Variants in C1orf21 observed in about 807,000 individuals in gnomAD.
C1orf21 encodes the protein uncharacterized protein C1orf21.
A neutral mutation model predicts 18.7 loss-of-function variants in C1orf21; 3 were observed. That is an observed-to-expected ratio of 0.16 (90% CI 0.07 to 0.42). C1orf21 has a LOEUF of 0.42. C1orf21 is among the 10% of genes least tolerant of loss of function. The pLI, the probability that C1orf21 is intolerant of heterozygous loss-of-function variation, is 0.99. For missense variants in C1orf21, 104 were observed against 143.6 expected, an observed-to-expected ratio of 0.72 and a Z score of 1.41; for synonymous variants, 41 against 46.4, an observed-to-expected ratio of 0.88 and a Z score of 0.47.
Position 184,590,879 on chromosome 1 carries a change from T to C in C1orf21, c.266+64T>C, listed in dbSNP as rs534009440. On this transcript the variant is annotated intron_variant, in intron 4 of 5. Transcript: ENST00000235307. ...TCCATATCCATGGATTCTGCATCTG[T>C]GGATTCAACTACCCATGGATCAAAA... The C allele has an allele frequency of 8.1e-6, 11 of 1,361,408 alleles. No homozygotes were observed. The South Asian group carries it at 1.3e-4, about 16-fold the overall frequency. 84.3% of individuals were successfully genotyped at this position (1,361,408 alleles called of 1,614,324 possible).
intron 3 of C1orf21, among the ~76,000 whole-genome samples, chr1:184,551,639 C>T (rs1037855108): frequency 2.6e-5 from 4 of 152,166 alleles, no homozygotes; most frequent in African/African-American, 4.8e-5. Flanking sequence ...TGCCCCTCCC[C>T]GTGCCAATCT....
At chr1:184,587,524 T>TTGTG (rs3034486) in intron 3 of C1orf21, among the ~76,000 whole-genome samples, 1,752 of 139,676 alleles carry the variant, frequency 0.013, 17 homozygotes, top group East Asian at 0.029. Context: ...TTCCTAGGAA[T>TTGTG]TGTGTGTGTG....
At chr1:184,529,012 A>G (rs1417959125) in intron 3 of C1orf21, among the ~76,000 whole-genome samples, 1 of 152,130 alleles carries the variant, frequency 6.6e-6, no homozygotes, top group Non-Finnish European at 1.5e-5. Context: ...CCAGCAGTAT[A>G]TGGAGATTGC....
intron 3 of C1orf21, among the ~76,000 whole-genome samples, chr1:184,578,568 G>C (rs1317073545): frequency 6.6e-6 from 1 of 152,084 alleles, no homozygotes; most frequent in Non-Finnish European, 1.5e-5. Context: ...CTTTTAGTTT[G>C]TTTTGAAGTT....
At chr1:184,460,713 C>CATTTT (rs1657295496) in intron 1 of C1orf21, among the ~76,000 whole-genome samples, 3 of 90,726 alleles carry the variant, frequency 3.3e-5, no homozygotes, top group Non-Finnish European at 2.3e-5. Flanking sequence ...TCTCTTCTTC[C>CATTTT]TTTTTTTTTT....
At chr1:184,511,839 G>A (rs1452463075) in intron 3 of C1orf21, among the ~76,000 whole-genome samples, 4 of 152,066 alleles carry the variant, frequency 2.6e-5, no homozygotes, top group Non-Finnish European at 5.9e-5. Context: ...GGGGAGAAGA[G>A]CCCCTTATAA....
At chr1:184,598,990 G>T (rs1261267827) in intron 5 of C1orf21, among the ~76,000 whole-genome samples, 5 of 152,180 alleles carry the variant, frequency 3.3e-5, no homozygotes, top group African/African-American at 1.2e-4. Flanking sequence ...GCTAATAGTG[G>T]ACAAGTTGGA....
chr1:184,441,120 T>C (rs1656937170), intron 1 of C1orf21, among the ~76,000 whole-genome samples: 2 of 152,220 alleles, frequency 1.3e-5, no homozygotes, highest in South Asian at 4.1e-4. Flanking sequence ...TTTTGGTTAG[T>C]GGAAATTTCC....
intron 1 of C1orf21, among the ~76,000 whole-genome samples, chr1:184,392,632 T>C (rs992073484): frequency 1.3e-5 from 2 of 152,126 alleles, no homozygotes; most frequent in Non-Finnish European, 2.9e-5. Flanking sequence ...AGTTGAGACC[T>C]GTTAGTGCAC....
At chr1:184,601,230 A>G (rs1659580344) in intron 5 of C1orf21, among the ~76,000 whole-genome samples, 1 of 152,154 alleles carries the variant, frequency 6.6e-6, no homozygotes. Flanking sequence ...TTTCTCCCTT[A>G]AATTAATAAG....
intron 1 of C1orf21, among the ~76,000 whole-genome samples, chr1:184,435,221 C>T (rs1192415088): frequency 8.5e-5 from 13 of 152,178 alleles, no homozygotes; most frequent in Non-Finnish European, 1.9e-4. Context: ...CAATCCATAG[C>T]TCTGGTTTGG....
At position 184,607,764 on chromosome 1, in the gene C1orf21, TAG is replaced by T. The variant is rs901509609; in HGVS notation, c.327+9309_327+9310del. On this transcript the variant is annotated intron_variant, in intron 5 of 5. Transcript: ENST00000235307. ...ATGTGTGTGTATATATATACATATA[TAG>T]AGAGAAAGAGTCACAATTATAGATT... Among the ~76,000 whole-genome samples the T allele has an allele frequency of 1.1e-4, 17 of 151,498 alleles. 1 individual carries two copies. The highest frequency in any genetic ancestry group is 4.8e-5 in the African/African-American group (2 of 41,280).
chr1:184,554,162 T>C (rs1231054699), intron 3 of C1orf21, among the ~76,000 whole-genome samples: 1 of 152,240 alleles, frequency 6.6e-6, no homozygotes, highest in Non-Finnish European at 1.5e-5. Context: ...ATAATTTTGA[T>C]AACCTGTAAT....
chr1:184,482,459 G>A (rs1002672797), intron 2 of C1orf21, among the ~76,000 whole-genome samples: 1 of 152,254 alleles, frequency 6.6e-6, no homozygotes, highest in East Asian at 1.9e-4. Context: ...GTAGAAAGAG[G>A]AGGAATTGTT....
chr1:184,593,941 A>G (rs968686041), intron 4 of C1orf21, among the ~76,000 whole-genome samples: 1 of 152,248 alleles, frequency 6.6e-6, no homozygotes, highest in African/African-American at 2.4e-5. Context: ...TCTGTCTTTT[A>G]AAGGCACACA....
At chr1:184,595,972 G>T (rs141968723) in intron 4 of C1orf21, among the ~76,000 whole-genome samples, 3 of 152,260 alleles carry the variant, frequency 2.0e-5, no homozygotes, top group African/African-American at 7.2e-5. Flanking sequence ...AACTGAAATC[G>T]CTGAGAGTTT....
chr1:184,430,426 C>T (rs1656722440), intron 1 of C1orf21, among the ~76,000 whole-genome samples: 1 of 152,120 alleles, frequency 6.6e-6, no homozygotes, highest in Non-Finnish European at 1.5e-5. Context: ...TCTTTTCTGC[C>T]AACTATTAAT....
intron 1 of C1orf21, among the ~76,000 whole-genome samples, chr1:184,470,809 G>T (rs1657484009): frequency 6.6e-6 from 1 of 152,142 alleles, no homozygotes; most frequent in South Asian, 2.1e-4. Context: ...AACCCAGGAG[G>T]TGGCGGTTGC....
At chr1:184,565,736 A>AT (rs1659025899) in intron 3 of C1orf21, among the ~76,000 whole-genome samples, 1 of 152,214 alleles carries the variant, frequency 6.6e-6, no homozygotes, top group African/African-American at 2.4e-5. Context: ...CATGTGTGAA[A>AT]TTACACATTA....
Sources: gnomAD v4.1 joint callset for allele counts (sites outside exome capture counted in the v4.1 genomes callset) on GRCh38, gnomAD v4.1.1 for gene constraint, MANE v1.5 for transcripts, NCBI Gene and HGNC (gene_info 2026-07-23, HGNC 2026-07-21) for gene names.